Variants in NCKAP5 observed in about 807,000 individuals in gnomAD.
NCKAP5 encodes the protein nck-associated protein 5.
Under a neutral mutation model 167.0 loss-of-function variants are expected in NCKAP5, and 92 were observed. That is an observed-to-expected ratio of 0.55 (90% CI 0.47 to 0.66). NCKAP5 has a LOEUF of 0.66. NCKAP5 is among the 30% of genes least tolerant of loss of function. NCKAP5 has a pLI of 0.00. For missense variants in NCKAP5, 2,378 were observed against 2,315.0 expected (o/e 1.03, Z -0.56); for synonymous variants, 891 against 877.4 (o/e 1.02, Z -0.27).
chr2:133,658,075 G>A, the NCKAP5 span, among the ~76,000 whole-genome samples: 1 of 151,892 alleles, frequency 6.6e-6, no homozygotes, highest in African/African-American at 2.4e-5. Flanking sequence ...TCCCCTAACA[G>A]AGTTCATCCA....
intron 2 of NCKAP5, among the ~76,000 whole-genome samples, chr2:133,539,944 G>T (rs768251550): frequency 6.6e-6 from 1 of 152,188 alleles, no homozygotes; most frequent in Non-Finnish European, 1.5e-5. Context: ...ACTTTGGAAG[G>T]CCGAGGCAGG....
At chr2:133,338,612 T>C (rs922009977) in intron 3 of NCKAP5, among the ~76,000 whole-genome samples, 1 of 152,202 alleles carries the variant, frequency 6.6e-6, no homozygotes, top group Admixed American at 6.5e-5. Context: ...TGTTATATGG[T>C]GTTATCAAGA....
the NCKAP5 span, among the ~76,000 whole-genome samples, chr2:133,657,352 C>T: frequency 6.6e-6 from 1 of 152,218 alleles, no homozygotes; most frequent in Non-Finnish European, 1.5e-5. Flanking sequence ...ACCATTGAAA[C>T]TCGTTTAACA....
chr2:133,418,629 G>T (rs1170358711), intron 3 of NCKAP5, among the ~76,000 whole-genome samples: 2 of 152,164 alleles, frequency 1.3e-5, no homozygotes, highest in African/African-American at 4.8e-5. Flanking sequence ...CAGGTCTACA[G>T]CCCAACATCA....
intron 7 of NCKAP5, among the ~76,000 whole-genome samples, chr2:132,986,408 A>G (rs1178648581): frequency 6.6e-6 from 1 of 152,204 alleles, no homozygotes; most frequent in Non-Finnish European, 1.5e-5. Context: ...AAAACCAAGC[A>G]GAGTACCAGC....
chr2:132,922,189 A>G (rs1014675656), intron 8 of NCKAP5, among the ~76,000 whole-genome samples: 10 of 152,212 alleles, frequency 6.6e-5, no homozygotes, highest in African/African-American at 2.2e-4. Context: ...TGTAACTAAC[A>G]AAGTTCTTAC....
At chr2:132,760,299 T>C (rs1434062134) in intron 16 of NCKAP5, among the ~76,000 whole-genome samples, 1 of 152,194 alleles carries the variant, frequency 6.6e-6, no homozygotes, top group Non-Finnish European at 1.5e-5. Flanking sequence ...AGAAAATTTA[T>C]TATTATTTTT....
chr2:133,337,372 TG>T lies in NCKAP5; in HGVS notation c.70-34263del, dbSNP rs148712909. On this transcript the variant is annotated intron_variant, in intron 3 of 19. Transcript: ENST00000409261. ...TTAAAGAAGAAGTAAGTACCAAGCT[TG>T]TGTGCTGCATTAATGCTCTGCTAAA... Among the ~76,000 whole-genome samples, 1,138 of 152,260 alleles carry T rather than the reference TG, an allele frequency of 7.5e-3. 17 individuals are homozygous for T. The highest frequency in any genetic ancestry group is 0.024 in the African/African-American group (989 of 41,558).
intron 3 of NCKAP5, among the ~76,000 whole-genome samples, chr2:133,446,006 G>A (rs1449430500): frequency 1.3e-5 from 2 of 152,114 alleles, no homozygotes; most frequent in African/African-American, 4.8e-5. Flanking sequence ...AAGATAGAAC[G>A]ATTAAGCTTG....
At chr2:133,132,471 GA>G (rs1160357818) in intron 5 of NCKAP5, among the ~76,000 whole-genome samples, 49 of 92,636 alleles carry the variant, frequency 5.3e-4, no homozygotes, top group South Asian at 2.4e-3. Context: ...TTTAAAACAT[GA>G]AAAAAAAAGC....
chr2:133,189,765 GACGT>G (rs1009129316), intron 5 of NCKAP5, among the ~76,000 whole-genome samples: 19 of 151,090 alleles, frequency 1.3e-4, no homozygotes, highest in African/African-American at 4.6e-4. Context: ...GTATTGATGG[GACGT>G]ACCTCAAAAT....
chr2:133,493,171 T>C (rs1681618159), intron 3 of NCKAP5, among the ~76,000 whole-genome samples: 1 of 152,204 alleles, frequency 6.6e-6, no homozygotes, highest in Non-Finnish European at 1.5e-5. Flanking sequence ...TCAGCGACTT[T>C]ATGCAATTCT....
At chr2:133,566,845 C>T (rs1378590408) in intron 1 of NCKAP5, among the ~76,000 whole-genome samples, 1 of 152,216 alleles carries the variant, frequency 6.6e-6, no homozygotes, top group Non-Finnish European at 1.5e-5. Context: ...GCAAAGAGCA[C>T]TGAGCTCTAA....
intron 3 of NCKAP5, among the ~76,000 whole-genome samples, chr2:133,477,873 C>T (rs112409963): frequency 1.1e-3 from 164 of 152,206 alleles, no homozygotes; most frequent in African/African-American, 3.3e-3. Context: ...TTTTTTCAGG[C>T]TACTCAGAAA....
chr2:133,552,680 G>T (rs1470605296), intron 2 of NCKAP5, among the ~76,000 whole-genome samples: 6 of 145,206 alleles, frequency 4.1e-5, no homozygotes, highest in African/African-American at 1.5e-4. Flanking sequence ...CACCAGCATG[G>T]CACATGTATA....
chr2:132,918,606 T>C (rs558458984), intron 8 of NCKAP5, among the ~76,000 whole-genome samples: 1 of 152,334 alleles, frequency 6.6e-6, no homozygotes, highest in Admixed American at 6.5e-5. Context: ...TCCATAATGA[T>C]GATGACAATG....
chr2:133,287,145 A>C (rs1679203889), intron 4 of NCKAP5, among the ~76,000 whole-genome samples: 1 of 152,180 alleles, frequency 6.6e-6, no homozygotes, highest in Non-Finnish European at 1.5e-5. Context: ...TCCATTTTCA[A>C]ACAATTATTA....
In NCKAP5 at chr2:132,782,156, T is replaced by C; in HGVS notation, c.4655A>G (p.Lys1552Arg). 1 of 1,609,490 alleles carries C rather than the reference T, an allele frequency of 6.2e-7. No individual in the cohort carries two copies. The highest frequency in any genetic ancestry group is 8.5e-7 in the Non-Finnish European group (1 of 1,178,934). ...FGNRQLKSER[K>R]KEKKKPELQC... is the part of the protein sequence containing the mutation. Reference sequence around the variant, plus strand: ...TAGTTCAGGCTTCTTTTTCTCTTTTTTTCTTTCTGATTTTAGTTGTCTGTT... The same window carrying C: ...TAGTTCAGGCTTCTTTTTCTCTTTTCTTCTTTCTGATTTTAGTTGTCTGTT... Residue 1552 changes from lysine to arginine, a missense_variant, in exon 14 of 20, where the codon AAA becomes AGA. Transcript: ENST00000409261.
chr2:133,437,319 C>T (rs1690551069), intron 3 of NCKAP5, among the ~76,000 whole-genome samples: 1 of 151,326 alleles, frequency 6.6e-6, no homozygotes, highest in African/African-American at 2.4e-5. Flanking sequence ...TGCCATTGCA[C>T]TCCAGCCTGG....
Sources: gnomAD v4.1 joint callset for allele counts (sites outside exome capture counted in the v4.1 genomes callset) on GRCh38, gnomAD v4.1.1 for gene constraint, MANE v1.5 for transcripts, NCBI Gene and HGNC (gene_info 2026-07-23, HGNC 2026-07-21) for gene names.